The following INO80 variants were observed in gnomAD, a reference collection of about 807,000 sequenced individuals.
INO80 encodes INO80 complex ATPase subunit.
Under a neutral mutation model 203.4 loss-of-function variants are expected in INO80, and 20 were observed. The observed-to-expected ratio is 0.10, with a 90% confidence interval of 0.07 to 0.14. The LOEUF is 0.14. Among genes scored for constraint, INO80 ranks in the 10% least tolerant of loss-of-function variants. INO80 has a pLI of 1.00. For missense variants in INO80, 1,419 were observed against 1,914.4 expected (o/e 0.74, Z 4.83); for synonymous variants, 726 against 685.2 (o/e 1.06, Z -0.93).
intron 1 of INO80, chr15:41,108,940 GC>G (rs1001246065): frequency 6.4e-6 from 1 of 155,546 alleles, no homozygotes; most frequent in African/African-American, 2.4e-5. Flanking sequence ...AGGGAGGCCA[GC>G]AAAAGACTGG....
At chr15:41,008,224 T>TACACACACACACACACAC (rs71104765) in intron 27 of INO80, among the ~76,000 whole-genome samples, 99 of 148,934 alleles carry the variant, frequency 6.6e-4, no homozygotes, top group African/African-American at 2.2e-3. Flanking sequence ...TATATATACA[T>TACACACACACACACACAC]ACACACACAC....
Position 40,987,799 on chromosome 15 carries a change from C to G in INO80, c.3729+17G>C. ...GTTTGCTCCACCAGTGTAGGAATTT[C>G]TTTCTCTTGTGCTTACCTCACTCTT... On this transcript the variant is annotated intron_variant, in intron 30 of 35. Coordinates refer to ENST00000648947, the MANE Select transcript of INO80 (RefSeq NM_017553.3). 1 of 1,606,546 alleles carries G rather than the reference C, an allele frequency of 6.2e-7. No individual in the cohort carries two copies. The highest frequency in any genetic ancestry group is 8.5e-7 in the Non-Finnish European group (1 of 1,175,004).
intron 29 of INO80, among the ~76,000 whole-genome samples, chr15:40,989,004 G>A (rs1479316784): frequency 9.1e-6 from 1 of 110,016 alleles, no homozygotes; most frequent in East Asian, 2.7e-4. Context: ...GACACAGTGA[G>A]CCTCCGTCTC....
chr15:41,115,401 C>T (rs566429725), intron 1 of INO80, among the ~76,000 whole-genome samples: 6 of 152,250 alleles, frequency 3.9e-5, no homozygotes, highest in African/African-American at 1.4e-4. Context: ...CCTAAAAAAC[C>T]AGAAGAGGTG....
chr15:41,054,933 T>C (rs1036018956), intron 18 of INO80, among the ~76,000 whole-genome samples: 3 of 152,086 alleles, frequency 2.0e-5, no homozygotes, highest in Non-Finnish European at 4.4e-5. Context: ...CCACCATGCC[T>C]GGCCAATATG....
chr15:41,021,247 A>G (rs2044289833), intron 25 of INO80, 122 bp from the exon 26 acceptor site: 1 of 667,938 alleles, frequency 1.5e-6, no homozygotes, highest in African/African-American at 1.8e-5. Context: ...GGTTTTAAAT[A>G]TCTGTTCTGG....
At chr15:41,046,161 C>CTG (rs138869233) in intron 23 of INO80, among the ~76,000 whole-genome samples, 24 of 101,744 alleles carry the variant, frequency 2.4e-4, no homozygotes, top group East Asian at 6.4e-4. Flanking sequence ...GTGTGTGTGT[C>CTG]TGTGTGTGTG....
chr15:41,049,886 C>A (rs1364843389), intron 20 of INO80, 49 bp downstream of exon 20: 2 of 1,542,116 alleles, frequency 1.3e-6, no homozygotes, highest in Non-Finnish European at 1.8e-6. Flanking sequence ...ACAATTCTAT[C>A]TCAAAAAACA....
intron 14 of INO80, among the ~76,000 whole-genome samples, chr15:41,064,524 T>A (rs1189878855): frequency 6.6e-6 from 1 of 151,908 alleles, no homozygotes; most frequent in African/African-American, 2.4e-5. Flanking sequence ...AAACCATAGA[T>A]CAAAAATGAA....
chr15:41,108,897 C>G (rs976275870), intron 1 of INO80: 3 of 153,368 alleles, frequency 2.0e-5, no homozygotes, highest in Non-Finnish European at 4.4e-5. Context: ...AATATGTGTG[C>G]TCAGAAGCAC....
chr15:40,986,450 G>A (rs1463313332), intron 31 of INO80, among the ~76,000 whole-genome samples: 1 of 146,224 alleles, frequency 6.8e-6, no homozygotes, highest in East Asian at 2.2e-4. Context: ...TCAGCCTCCC[G>A]AGTAGCTGGG....
chr15:40,980,209 G>A lies in INO80; in HGVS notation c.*14C>T, dbSNP rs772091533. The A allele has an allele frequency of 5.0e-6, 8 of 1,609,930 alleles. No individual in the cohort carries two copies. In the South Asian group the frequency reaches 6.6e-5, roughly 13 times the overall value. On this transcript the variant is annotated 3_prime_UTR_variant, in exon 36 of 36. Transcript: ENST00000648947. ...GCCCTGGTTTGGTTGAAGGAAGTCG[G>A]AGGGCCCAGATGGTTACCGTCCTCC...
chr15:41,104,206 C>CAAAAAAAAAAAAAAAAAAAAAAA (rs35510472), intron 1 of INO80, among the ~76,000 whole-genome samples: 1 of 41,522 alleles, frequency 2.4e-5, no homozygotes, highest in Non-Finnish European at 6.3e-5. Flanking sequence ...AACTCCATCT[C>CAAAAAAAAAAAAAAAAAAAAAAA]AAAAAAAAAA....
At chr15:41,002,251 A>T (rs2140433915) in intron 28 of INO80, among the ~76,000 whole-genome samples, 2 of 152,354 alleles carry the variant, frequency 1.3e-5, no homozygotes, top group Middle Eastern at 3.4e-3. Context: ...ATTTCCTAAT[A>T]AAATCTGTGA....
chr15:41,059,949 C>T (rs2045072815), intron 14 of INO80, 23 bp from the exon 15 acceptor site: 7 of 1,467,560 alleles, frequency 4.8e-6, no homozygotes, highest in African/African-American at 1.4e-5. Context: ...CCAATATATA[C>T]ATTACTTTCT....
At position 41,049,953 on chromosome 15, in the gene INO80, C is replaced by T; in HGVS notation, c.2424G>A (p.Leu808=). 3.1e-6 allele frequency: 5 copies of T among 1,612,866 alleles called. No individual in the cohort carries two copies. The highest frequency in any genetic ancestry group is 1.7e-5 in the Admixed American group (1 of 59,804). The change falls in exon 20 of 36, where the codon CTG becomes CTA. Residue 808 remains leucine, a synonymous_variant. Coordinates refer to ENST00000648947, the MANE Select transcript of INO80 (RefSeq NM_017553.3). ...CTCTTACCTTCCTAAACTGCATGAC[C>T]AGATTCATGAGGCTGCTGGTGGTGT... ...AQNTTSSLMN[L]VMQFRKVCNH...
intron 9 of INO80, among the ~76,000 whole-genome samples, chr15:41,076,359 C>T (rs756114036): frequency 3.0e-5 from 4 of 131,378 alleles, no homozygotes; most frequent in Non-Finnish European, 6.0e-5. Context: ...GACTCTGTCT[C>T]AAAACAAAAC....
intron 22 of INO80, among the ~76,000 whole-genome samples, chr15:41,047,992 A>T (rs1184597982): frequency 6.6e-6 from 1 of 152,256 alleles, no homozygotes; most frequent in African/African-American, 2.4e-5. Context: ...AAAGATGGAA[A>T]GTCAATAATA....
intron 7 of INO80, among the ~76,000 whole-genome samples, chr15:41,081,836 T>C (rs965997981): frequency 9.2e-5 from 14 of 152,080 alleles, no homozygotes; most frequent in Non-Finnish European, 1.8e-4. Context: ...ATTTCTTTAA[T>C]GTTTGCACGT....
Sources: allele counts gnomAD v4.1 joint callset (sites outside exome capture counted in the v4.1 genomes callset), GRCh38; gene constraint gnomAD v4.1.1; transcripts MANE v1.5; gene names NCBI Gene and HGNC (gene_info 2026-07-23, HGNC 2026-07-21).